Variants in QPCT observed in about 807,000 individuals in gnomAD.
The protein encoded by QPCT is EC.
A neutral mutation model predicts 43.4 loss-of-function variants in QPCT; 44 were observed. The ratio of observed to expected loss-of-function variants is 1.01; its 90% confidence interval spans 0.80 to 1.30. QPCT has a LOEUF of 1.30. Ranked by LOEUF, QPCT falls within the 50% of genes most tolerant of loss-of-function variation. The pLI is 0.00. For synonymous variants in QPCT, 168 were observed against 168.4 expected, an observed-to-expected ratio of 1.00 and a Z score of 0.02; for missense variants, 526 against 436.5, an observed-to-expected ratio of 1.21 and a Z score of -1.83.
intron 3 of QPCT, among the ~76,000 whole-genome samples, chr2:37,366,928 G>T (rs1325374950): frequency 6.6e-6 from 1 of 152,212 alleles, no homozygotes; most frequent in Admixed American, 6.5e-5. Flanking sequence ...AGTGGGTGGT[G>T]TATCACACGA....
chr2:37,355,916 A>G (rs1672733916), intron 2 of QPCT, among the ~76,000 whole-genome samples: 2 of 152,114 alleles, frequency 1.3e-5, no homozygotes, highest in South Asian at 2.1e-4. Flanking sequence ...TCAGGTACAT[A>G]GATCCCAGGT....
intron 1 of QPCT, among the ~76,000 whole-genome samples, chr2:37,347,144 T>TTTTATATATATTA (rs1389307350): frequency 3.6e-5 from 2 of 55,346 alleles, no homozygotes; most frequent in Non-Finnish European, 5.7e-5. Context: ...ATGGGGTGTT[T>TTTTATATATATTA]TATATATATA....
intron 3 of QPCT, among the ~76,000 whole-genome samples, chr2:37,365,691 T>C (rs1396090166): frequency 2.6e-5 from 4 of 152,110 alleles, no homozygotes; most frequent in African/African-American, 4.8e-5. Context: ...CTTGAGCAGA[T>C]GAGAGAGGAT....
intron 1 of QPCT, among the ~76,000 whole-genome samples, chr2:37,346,326 A>C (rs1672488667): frequency 6.6e-6 from 1 of 152,248 alleles, no homozygotes. Flanking sequence ...ATGAAGAAGA[A>C]CGTGGAATGA....
rs1211597871 is a variant in QPCT, at chr2:37,352,913, C to T, written c.245C>T (p.Pro82Leu). Residue 82 changes from proline (P) to leucine (L), a missense_variant, in exon 2 of 7, where the codon CCT becomes CTT. Transcript: ENST00000338415. Reference protein sequence around the residue: ...PLLIERYPGSPGSYAARQHIM... With the variant: ...PLLIERYPGSLGSYAARQHIM... ...CTGATAGAGCGATACCCGGGATCCC[C>T]TGGAAGCTATGCTGCTCGTCAGGTG... 1 of 1,613,898 alleles carries T rather than the reference C, an allele frequency of 6.2e-7. No homozygotes were observed.
chr2:37,350,576 T>C (rs1168993465), intron 1 of QPCT, among the ~76,000 whole-genome samples: 2 of 152,196 alleles, frequency 1.3e-5, no homozygotes, highest in African/African-American at 2.4e-5. Flanking sequence ...AGTGCATAAA[T>C]GAGACAGTGA....
In QPCT at chr2:37,372,476, ATGTGTGTGTG is replaced by A. The variant is rs112031803; in HGVS notation, c.940+14_940+23del. On this transcript the variant is annotated splice_donor_5th_base_variant and intron_variant, in intron 6 of 6. Coordinates refer to ENST00000338415, the MANE Select transcript of QPCT (RefSeq NM_012413.4). ...CATATTCCATTTTTAAGAAGAGGTA[ATGTGTGTGTG>A]TGTGTGTGTTTGTGTGTGTGTGCGT... The A allele has an allele frequency of 6.4e-7, 1 of 1,559,814 alleles. No individual in the cohort carries two copies. Among genetic ancestry groups the A allele is most frequent in the East Asian group, 2.3e-5 (1 of 43,200 alleles).
chr2:37,347,218 C>CAT lies in QPCT; in HGVS notation c.120+2377_120+2378dup, dbSNP rs74206514. Among the ~76,000 whole-genome samples the CAT allele has an allele frequency of 9.8e-4, 61 of 62,370 alleles. 6 individuals carry two copies. Among genetic ancestry groups the CAT allele is most frequent in the African/African-American group, 4.0e-3 (52 of 13,002 alleles). 40.9% of individuals were successfully genotyped at this position (62,370 alleles called of 152,430 possible). ...ACATATATATATAACATATATATAA[C>CAT]ATATATATATAACATATATATATAT... On this transcript the variant is annotated intron_variant, in intron 1 of 6. Coordinates refer to ENST00000338415, the MANE Select transcript of QPCT (RefSeq NM_012413.4).
intron 3 of QPCT, among the ~76,000 whole-genome samples, chr2:37,364,421 G>A (rs1451761249): frequency 6.6e-6 from 1 of 152,186 alleles, no homozygotes; most frequent in Non-Finnish European, 1.5e-5. Context: ...GAGGGCTCCG[G>A]AAGGGCCCAT....
chr2:37,361,735 T>TA (rs1672861503), intron 3 of QPCT, among the ~76,000 whole-genome samples: 1 of 152,230 alleles, frequency 6.6e-6, no homozygotes, highest in South Asian at 2.1e-4. Flanking sequence ...CCCAAGAAGA[T>TA]ACATAATGGT....
At chr2:37,372,302 A>C in intron 5 of QPCT, 54 bp from the exon 6 acceptor site, 1 of 1,213,654 alleles carries the variant, frequency 8.2e-7, no homozygotes, top group Admixed American at 1.7e-5. Flanking sequence ...ATACATTATG[A>C]GTCTTGATAA....
chr2:37,349,515 C>T (rs1193120642), intron 1 of QPCT, among the ~76,000 whole-genome samples: 6 of 152,166 alleles, frequency 3.9e-5, no homozygotes, highest in East Asian at 3.9e-4. Flanking sequence ...CAAGTGATTT[C>T]GTTTCACTCT....
At chr2:37,366,264 G>C (rs1321683621) in intron 3 of QPCT, among the ~76,000 whole-genome samples, 1 of 152,152 alleles carries the variant, frequency 6.6e-6, no homozygotes, top group African/African-American at 2.4e-5. Flanking sequence ...AAATCAGTTA[G>C]AATCCTAGTC....
chr2:37,353,043 C>A, intron 2 of QPCT, 108 bp downstream of exon 2: 1 of 1,294,636 alleles, frequency 7.7e-7, no homozygotes, highest in Non-Finnish European at 1.0e-6. Flanking sequence ...GATCTGTCAT[C>A]TCCTCATTCA....
Position 37,373,002 on chromosome 2 carries a change from T to C in QPCT, c.*175T>C. Reference sequence around the variant, plus strand: ...ATTACAGAATAATTGTGTTGTGATATTGTGTCCTAAATTGCTCATTAATTT... The same window carrying C: ...ATTACAGAATAATTGTGTTGTGATACTGTGTCCTAAATTGCTCATTAATTT... On this transcript the variant is annotated 3_prime_UTR_variant, in exon 7 of 7. Transcript: ENST00000338415. 3.8e-6 allele frequency: 2 copies of C among 528,598 alleles called. No homozygotes were observed. Among genetic ancestry groups the C allele is most frequent in the Admixed American group, 3.9e-5 (1 of 25,842 alleles). The allele number at this position is 528,598 out of a possible 1,614,324, so 32.7% of individuals were successfully genotyped here.
intron 4 of QPCT, among the ~76,000 whole-genome samples, chr2:37,368,108 G>T (rs1005701841): frequency 1.1e-4 from 17 of 152,132 alleles, no homozygotes; most frequent in Non-Finnish European, 2.4e-4. Context: ...TGAGGGTGAA[G>T]AATTTCCTTG....
intron 2 of QPCT, among the ~76,000 whole-genome samples, chr2:37,356,060 A>G (rs1672738788): frequency 1.3e-5 from 2 of 152,202 alleles, no homozygotes; most frequent in African/African-American, 4.8e-5. Flanking sequence ...CAGACTTAAC[A>G]CAAATACTGG....
chr2:37,353,631 A>G (rs1241142918), intron 2 of QPCT, among the ~76,000 whole-genome samples: 1 of 152,176 alleles, frequency 6.6e-6, no homozygotes, highest in Non-Finnish European at 1.5e-5. Context: ...GGAGGGTAGA[A>G]CAAGCTGGGC....
intron 1 of QPCT, among the ~76,000 whole-genome samples, chr2:37,348,063 C>T (rs77420103): frequency 0.026 from 3,824 of 148,462 alleles, 49 homozygotes; most frequent in Non-Finnish European, 0.039. Flanking sequence ...CGCGCGCACG[C>T]GTGTGTGTGT....
Sources: gnomAD v4.1 joint callset for allele counts (sites outside exome capture counted in the v4.1 genomes callset) on GRCh38, gnomAD v4.1.1 for gene constraint, MANE v1.5 for transcripts, NCBI Gene and HGNC (gene_info 2026-07-23, HGNC 2026-07-21) for gene names.